ANK3: variants seen among roughly 807,000 people sequenced by gnomAD.
ANK3 encodes the protein ankyrin 3.
Under a neutral mutation model 370.9 loss-of-function variants are expected in ANK3, and 57 were observed. The ratio of observed to expected loss-of-function variants is 0.15; its 90% confidence interval spans 0.12 to 0.19. The LOEUF (loss-of-function observed/expected upper bound fraction) is 0.19. ANK3 is among the 10% of genes least tolerant of loss of function. The pLI is 1.00. For synonymous variants in ANK3, 1,929 were observed against 1,946.3 expected, an observed-to-expected ratio of 0.99 and a Z score of 0.23; for missense variants, 4,439 against 5,302.1, an observed-to-expected ratio of 0.84 and a Z score of 5.06.
At chr10:60,419,040 GA>G (rs146537633) in intron 2 of ANK3, among the ~76,000 whole-genome samples, 218 of 152,258 alleles carry the variant, frequency 1.4e-3, no homozygotes, top group Middle Eastern at 6.8e-3. Flanking sequence ...GTTTTAGGTT[GA>G]AATTCTCAAT....
intron 2 of ANK3, among the ~76,000 whole-genome samples, chr10:60,428,193 T>C (rs574717867): frequency 5.3e-5 from 8 of 152,204 alleles, no homozygotes; most frequent in Non-Finnish European, 1.2e-4. Context: ...GTATGGGTCA[T>C]CACTGAATTA....
At chr10:60,281,183 G>A (rs140285076) in intron 1 of ANK3, among the ~76,000 whole-genome samples, 1 of 152,100 alleles carries the variant, frequency 6.6e-6, no homozygotes, top group Non-Finnish European at 1.5e-5. Context: ...GGAGTCACCT[G>A]CCCCCTTCTC....
upstream of ANK3, among the ~76,000 whole-genome samples, chr10:60,393,255 T>A (rs537759048): frequency 2.0e-5 from 3 of 152,292 alleles, no homozygotes; most frequent in African/African-American, 7.2e-5. Flanking sequence ...GAAGGCAGCT[T>A]TGGTGAGCAC....
intron 1 of ANK3, among the ~76,000 whole-genome samples, chr10:60,731,562 A>T (rs1023630225): frequency 6.6e-6 from 1 of 152,220 alleles, no homozygotes; most frequent in African/African-American, 2.4e-5. Flanking sequence ...GGCCCTCCAG[A>T]TATTAGTAGC....
At chr10:60,433,319 G>T (rs1331529609) in intron 2 of ANK3, among the ~76,000 whole-genome samples, 3 of 152,086 alleles carry the variant, frequency 2.0e-5, no homozygotes, top group African/African-American at 7.2e-5. Context: ...AACTTGTCAT[G>T]CTCTCCTCAT....
At chr10:60,195,415 A>C (rs1019272097) in intron 16 of ANK3, among the ~76,000 whole-genome samples, 1 of 150,414 alleles carries the variant, frequency 6.6e-6, no homozygotes, top group African/African-American at 2.5e-5. Flanking sequence ...AAGGAGAAGG[A>C]TCATAAGGGA....
chr10:60,039,009 C>G (rs2075635908), intron 43 of ANK3, among the ~76,000 whole-genome samples: 1 of 152,184 alleles, frequency 6.6e-6, no homozygotes, highest in Admixed American at 6.5e-5. Flanking sequence ...TTCTTACATT[C>G]TTTCATTGGA....
chr10:60,398,447 A>G (rs911205873), intron 2 of ANK3, among the ~76,000 whole-genome samples: 3 of 152,178 alleles, frequency 2.0e-5, no homozygotes, highest in African/African-American at 7.2e-5. Context: ...GTATATGTGC[A>G]TACCTGTATG....
Position 60,577,999 on chromosome 10 carries a change from T to C in ANK3, c.96+37187A>G, listed in dbSNP as rs149565237. 1.9e-3 allele frequency among the ~76,000 whole-genome samples: 285 copies of C among 152,330 alleles called. 1 individual carries two copies. The highest frequency in any genetic ancestry group is 6.5e-3 in the African/African-American group (269 of 41,576). ...TGATTTTTGCCATATCTAATGATCA[T>C]TTGTAAATTAAGATAGAAATTTTTA... On this transcript the variant is annotated intron_variant, in intron 2 of 43. Transcript: ENST00000373827.
intron 1 of ANK3, among the ~76,000 whole-genome samples, chr10:60,678,298 T>C (rs1432182466): frequency 6.6e-6 from 1 of 152,208 alleles, no homozygotes; most frequent in Admixed American, 6.5e-5. Context: ...GTATGCTGAC[T>C]GTTGTATTGG....
intron 23 of ANK3, among the ~76,000 whole-genome samples, chr10:60,157,335 CTTTTT>C (rs777732848): frequency 8.3e-6 from 1 of 121,110 alleles, no homozygotes; most frequent in East Asian, 2.4e-4. Flanking sequence ...CTGTGCCCGG[CTTTTT>C]TTTTTTTTTT....
chr10:60,501,739 T>C (rs1487404271), intron 2 of ANK3, among the ~76,000 whole-genome samples: 4 of 141,258 alleles, frequency 2.8e-5, no homozygotes, highest in African/African-American at 7.8e-5. Flanking sequence ...GAAAAAGAAA[T>C]GAAAACTTGT....
At chr10:60,091,148 C>T (rs1417004326) in intron 28 of ANK3, among the ~76,000 whole-genome samples, 1 of 152,164 alleles carries the variant, frequency 6.6e-6, no homozygotes, top group Non-Finnish European at 1.5e-5. Context: ...CAGGTGATCC[C>T]CCCAACCTTG....
At chr10:60,133,183 G>A (rs369870002) in intron 25 of ANK3, among the ~76,000 whole-genome samples, 14 of 152,214 alleles carry the variant, frequency 9.2e-5, no homozygotes, top group Non-Finnish European at 1.6e-4. Context: ...TCCAATTCAC[G>A]TTCATTGTGC....
At chr10:60,136,366 G>A (rs1462982674) in intron 24 of ANK3, among the ~76,000 whole-genome samples, 1 of 152,070 alleles carries the variant, frequency 6.6e-6, no homozygotes, top group Non-Finnish European at 1.5e-5. Flanking sequence ...TACATTATTA[G>A]TGCAGCTTCT....
chr10:60,090,940 G>A (rs948046839), intron 28 of ANK3, among the ~76,000 whole-genome samples: 44 of 152,016 alleles, frequency 2.9e-4, no homozygotes, highest in African/African-American at 8.4e-4. Flanking sequence ...GACAGATCTC[G>A]CCGTGTCGCC....
chr10:60,469,316 A>AGT (rs2065121200), intron 2 of ANK3, among the ~76,000 whole-genome samples: 2 of 121,282 alleles, frequency 1.6e-5, no homozygotes, highest in African/African-American at 6.3e-5. Flanking sequence ...TACCACTTTT[A>AGT]GTGTATATAT....
chr10:60,552,829 A>G (rs190894845), intron 2 of ANK3, among the ~76,000 whole-genome samples: 2 of 152,272 alleles, frequency 1.3e-5, no homozygotes, highest in East Asian at 3.9e-4. Flanking sequence ...AGATGATTGA[A>G]TCATGGGGGT....
At chr10:60,140,606 C>A in intron 23 of ANK3, 1 of 1,401,304 alleles carries the variant, frequency 7.1e-7, no homozygotes, top group East Asian at 2.6e-5. Context: ...CCAAAAAAAT[C>A]TTTTTAAAAA....
Sources: allele counts gnomAD v4.1 joint callset (sites outside exome capture counted in the v4.1 genomes callset), GRCh38; gene constraint gnomAD v4.1.1; transcripts MANE v1.5; gene names NCBI Gene and HGNC (gene_info 2026-07-23, HGNC 2026-07-21).